Variants in RAPGEF1 observed in about 807,000 individuals in gnomAD.
The protein encoded by RAPGEF1 is CRK SH3-binding GNRP.
A neutral mutation model predicts 143.3 loss-of-function variants in RAPGEF1; 33 were observed. That is an observed-to-expected ratio of 0.23 (90% confidence interval 0.17 to 0.31). The LOEUF (loss-of-function observed/expected upper bound fraction) is 0.31, where lower values mean the gene tolerates loss of function less well. RAPGEF1 is among the 10% of genes least tolerant of loss of function. RAPGEF1 has a pLI of 1.00. For synonymous variants in RAPGEF1, 629 were observed against 676.5 expected (o/e 0.93, Z 1.09); for missense variants, 1,199 against 1,645.4 (o/e 0.73, Z 4.69).
intron 1 of RAPGEF1, among the ~76,000 whole-genome samples, chr9:131,690,603 A>C (rs1833717636): frequency 6.6e-6 from 1 of 152,062 alleles, no homozygotes; most frequent in Non-Finnish European, 1.5e-5. Flanking sequence ...TGTGGAGAAC[A>C]GCCTGGGCAA....
intron 1 of RAPGEF1, among the ~76,000 whole-genome samples, chr9:131,716,491 C>T (rs1835872065): frequency 6.6e-6 from 1 of 152,178 alleles, no homozygotes; most frequent in Admixed American, 6.6e-5. Flanking sequence ...TGTGGCCAGG[C>T]ACTATGGCTC....
At chr9:131,720,318 A>G (rs981506574) in intron 1 of RAPGEF1, among the ~76,000 whole-genome samples, 2 of 152,146 alleles carry the variant, frequency 1.3e-5, no homozygotes, top group Non-Finnish European at 2.9e-5. Context: ...CATCATCATC[A>G]TCATTATTAT....
At chr9:131,663,625 C>T (rs1162105249) in intron 1 of RAPGEF1, among the ~76,000 whole-genome samples, 9 of 152,040 alleles carry the variant, frequency 5.9e-5, no homozygotes, top group South Asian at 2.1e-4. Context: ...GGAGGTCCCC[C>T]GTAAGTTGGA....
intron 1 of RAPGEF1, among the ~76,000 whole-genome samples, chr9:131,696,081 C>G (rs1834149136): frequency 6.6e-6 from 1 of 152,222 alleles, no homozygotes. Context: ...GCCACAGACC[C>G]TCACCTGTGA....
intron 10 of RAPGEF1, among the ~76,000 whole-genome samples, chr9:131,624,085 G>A (rs1962173354): frequency 6.6e-6 from 1 of 152,108 alleles, no homozygotes; most frequent in Admixed American, 6.5e-5. Flanking sequence ...CAAGGAAGGA[G>A]GGCTGAATCT....
At chr9:131,700,523 G>A (rs968543940) in intron 1 of RAPGEF1, among the ~76,000 whole-genome samples, 5 of 152,132 alleles carry the variant, frequency 3.3e-5, no homozygotes, top group Non-Finnish European at 5.9e-5. Flanking sequence ...GGTATCCCCC[G>A]TGCCTGGAAC....
chr9:131,696,371 G>A (rs1834181048), intron 1 of RAPGEF1, among the ~76,000 whole-genome samples: 1 of 152,136 alleles, frequency 6.6e-6, no homozygotes, highest in Non-Finnish European at 1.5e-5. Flanking sequence ...ATCTTAAAGG[G>A]CTTTCCTTAA....
In RAPGEF1 at chr9:131,730,716, A is replaced by AAAAAAAAAAAAAAAAAAAAG. The variant is rs1564212126; in HGVS notation, c.61+9053_61+9054insCTTTTTTTTTTTTTTTTTTT. Among the ~76,000 whole-genome samples the AAAAAAAAAAAAAAAAAAAAG allele has an allele frequency of 2.5e-5, 3 of 121,776 alleles. No homozygotes were observed. In the East Asian group the frequency reaches 7.3e-4, roughly 30 times the overall value. 79.9% of individuals were successfully genotyped at this position (121,776 alleles called of 152,430 possible). A position where few individuals can be genotyped will look rare whatever the true frequency, so the allele number is the denominator to read the frequency against. ...CCATCTCAAAAAAAAAAAAAAAAAA[A>AAAAAAAAAAAAAAAAAAAAG]AAGAAGAAGAACCAGCATTAGAAAG... is the stretch of plus-strand genomic sequence containing the variant. On this transcript the variant is annotated intron_variant, in intron 1 of 26. Coordinates refer to ENST00000683357, the MANE Select transcript of RAPGEF1 (RefSeq NM_001377935.1).
intron 6 of RAPGEF1, among the ~76,000 whole-genome samples, 160 bp from the exon 7 acceptor site, chr9:131,629,414 G>T (rs1964241188): frequency 6.6e-6 from 1 of 152,144 alleles, no homozygotes; most frequent in Middle Eastern, 3.2e-3. Context: ...TTCTGGTTTG[G>T]TTGCTAATGA....
rs1970833076 is a variant in RAPGEF1 at position 131,650,579 on chromosome 9, C to T, written c.201+231G>A. Among the ~76,000 whole-genome samples the T allele has an allele frequency of 6.6e-6, 1 of 152,156 alleles. No individual in the cohort carries two copies. The highest frequency in any genetic ancestry group is 2.1e-4 in the South Asian group (1 of 4,832). Reference sequence around the variant, plus strand: ...TGTTTTAAATGCCCAGAGGATGACACAGCTGGAAAAGGAGAACTGTCTTAG... The same window carrying T: ...TGTTTTAAATGCCCAGAGGATGACATAGCTGGAAAAGGAGAACTGTCTTAG... On this transcript the variant is annotated intron_variant, in intron 2 of 26. Coordinates refer to ENST00000683357, the MANE Select transcript of RAPGEF1 (RefSeq NM_001377935.1). The surrounding 1 kb of genome is among the most constrained non-coding windows in gnomAD (Gnocchi z 4.7).
At chr9:131,627,779 A>C in intron 9 of RAPGEF1, 134 bp downstream of exon 9, 1 of 853,806 alleles carries the variant, frequency 1.2e-6, no homozygotes, top group Non-Finnish European at 1.8e-6. Flanking sequence ...GAGGAAGCTG[A>C]GGCTCAGATT....
At chr9:131,732,242 A>T (rs200787255) in intron 1 of RAPGEF1, among the ~76,000 whole-genome samples, 8 of 20,602 alleles carry the variant, frequency 3.9e-4, no homozygotes, top group Non-Finnish European at 5.3e-4. Flanking sequence ...AGGCCAACTG[A>T]AAAAAAAAAA....
At chr9:131,633,859 T>G (rs544865713) in intron 5 of RAPGEF1, among the ~76,000 whole-genome samples, 3 of 152,352 alleles carry the variant, frequency 2.0e-5, no homozygotes, top group African/African-American at 4.8e-5. Flanking sequence ...CTAATCTCAT[T>G]GAAAGTTGAC....
intron 12 of RAPGEF1, among the ~76,000 whole-genome samples, chr9:131,606,578 AAAGAGGAAG>A (rs1294416084): frequency 6.6e-6 from 1 of 152,182 alleles, no homozygotes; most frequent in Non-Finnish European, 1.5e-5. Flanking sequence ...AACCCATGGA[AAAGAGGAAG>A]AAGAGGAAGA....
chr9:131,715,597 C>T (rs945585826), intron 1 of RAPGEF1, among the ~76,000 whole-genome samples: 1 of 151,968 alleles, frequency 6.6e-6, no homozygotes, highest in Non-Finnish European at 1.5e-5. Flanking sequence ...CGGTGGCTCA[C>T]GTCTGTACTT....
Position 131,629,626 on chromosome 9 carries a change from A to G in RAPGEF1, c.741-372T>C, listed in dbSNP as rs545867078. Among the ~76,000 whole-genome samples, 8 of 152,192 alleles carry G rather than the reference A, an allele frequency of 5.3e-5. No homozygotes were observed. The South Asian group carries it at 1.7e-3, about 32-fold the overall frequency. ...GCCAAGATGGTGAAACCCTGTCTCT[A>G]CTAAAAATACAAAAATTAGCTGGGC... On this transcript the variant is annotated intron_variant, in intron 6 of 26. Transcript: ENST00000683357.
chr9:131,611,030 G>T (rs529988738), intron 12 of RAPGEF1, among the ~76,000 whole-genome samples: 36 of 152,294 alleles, frequency 2.4e-4, no homozygotes, highest in African/African-American at 8.4e-4. Flanking sequence ...TCTACCTTAG[G>T]CCCAGGGGCA....
At chr9:131,708,456 C>T (rs1835250384) in intron 1 of RAPGEF1, among the ~76,000 whole-genome samples, 1 of 152,184 alleles carries the variant, frequency 6.6e-6, no homozygotes, top group African/African-American at 2.4e-5. Context: ...TGTACCACTG[C>T]ACTGCTCTGT....
intron 10 of RAPGEF1, among the ~76,000 whole-genome samples, chr9:131,623,814 A>G (rs1962048506): frequency 6.6e-6 from 1 of 152,228 alleles, no homozygotes; most frequent in Admixed American, 6.5e-5. Flanking sequence ...AATGATGAGG[A>G]CACGTCGTGA....
Sources: gnomAD v4.1 joint callset for allele counts (sites outside exome capture counted in the v4.1 genomes callset) on GRCh38, gnomAD v4.1.1 for gene constraint, Gnocchi (gnomAD v3.1) non-coding constraint, MANE v1.5 for transcripts, NCBI Gene and HGNC (gene_info 2026-07-23, HGNC 2026-07-21) for gene names.